The following GUCY1A2 variants were observed in gnomAD, a reference collection of about 807,000 sequenced individuals.
GUCY1A2 encodes guanylate cyclase soluble subunit alpha-2.
GUCY1A2 carries 27 observed loss-of-function variants against 63.5 expected under a neutral mutation model. The observed-to-expected ratio is 0.43, with a 90% confidence interval of 0.31 to 0.59. GUCY1A2 has a LOEUF of 0.59. GUCY1A2 is among the 20% of genes least tolerant of loss of function. The pLI is 0.11. For missense variants in GUCY1A2, 768 were observed against 913.3 expected, an observed-to-expected ratio of 0.84 and a Z score of 2.05; for synonymous variants, 364 against 343.5, an observed-to-expected ratio of 1.06 and a Z score of -0.66.
At chr11:106,922,134 G>T (rs769867438) in intron 4 of GUCY1A2, among the ~76,000 whole-genome samples, 1 of 152,090 alleles carries the variant, frequency 6.6e-6, no homozygotes, top group South Asian at 2.1e-4. Flanking sequence ...AGCAGACGAG[G>T]GTGCTAGCAC....
intron 5 of GUCY1A2, among the ~76,000 whole-genome samples, chr11:106,801,109 A>AT (rs1858594976): frequency 1.3e-5 from 2 of 152,258 alleles, no homozygotes; most frequent in Admixed American, 1.3e-4. Flanking sequence ...GCCAAAGAGA[A>AT]TAAGTATTTA....
At chr11:107,012,992 CA>C (rs1403978528) in intron 1 of GUCY1A2, among the ~76,000 whole-genome samples, 2 of 119,098 alleles carry the variant, frequency 1.7e-5, no homozygotes, top group Non-Finnish European at 3.5e-5. Context: ...TTAATATCAA[CA>C]GAAGCTAAAG....
intron 6 of GUCY1A2, among the ~76,000 whole-genome samples, chr11:106,767,513 T>A (rs2135396153): frequency 6.6e-6 from 1 of 152,274 alleles, no homozygotes; most frequent in Non-Finnish European, 1.5e-5. Context: ...AATGTATGCC[T>A]GATAGACTAT....
intron 4 of GUCY1A2, among the ~76,000 whole-genome samples, chr11:106,883,320 A>G (rs1229420850): frequency 1.3e-5 from 2 of 152,134 alleles, no homozygotes; most frequent in Admixed American, 6.6e-5. Flanking sequence ...GCCTTTATCT[A>G]TGTGTGTATA....
intron 6 of GUCY1A2, among the ~76,000 whole-genome samples, chr11:106,712,944 T>C: frequency 6.6e-6 from 1 of 152,170 alleles, no homozygotes; most frequent in East Asian, 1.9e-4. Context: ...GAATACATAA[T>C]GAGGATCCTT....
At chr11:106,751,435 C>A (rs1863879678) in intron 6 of GUCY1A2, among the ~76,000 whole-genome samples, 1 of 151,364 alleles carries the variant, frequency 6.6e-6, no homozygotes, top group Non-Finnish European at 1.5e-5. Context: ...TATCATGCAT[C>A]AAATCATTAA....
At chr11:106,813,760 C>T (rs1858795119) in intron 4 of GUCY1A2, among the ~76,000 whole-genome samples, 1 of 152,070 alleles carries the variant, frequency 6.6e-6, no homozygotes, top group African/African-American at 2.4e-5. Context: ...GTTTCCTTAT[C>T]TATAAACTGG....
At chr11:106,984,132 G>A (rs1861371875) in intron 2 of GUCY1A2, among the ~76,000 whole-genome samples, 1 of 152,192 alleles carries the variant, frequency 6.6e-6, no homozygotes, top group South Asian at 2.1e-4. Flanking sequence ...CAAAATTGCT[G>A]CCAACAGGCC....
chr11:106,731,285 C>T (rs374395459), intron 6 of GUCY1A2, among the ~76,000 whole-genome samples: 17 of 152,172 alleles, frequency 1.1e-4, no homozygotes, highest in Admixed American at 3.9e-4. Flanking sequence ...AAAACAAAAA[C>T]CACATGGTTA....
At chr11:106,822,255 T>C (rs917839999) in intron 4 of GUCY1A2, among the ~76,000 whole-genome samples, 11 of 152,232 alleles carry the variant, frequency 7.2e-5, no homozygotes, top group African/African-American at 1.9e-4. Context: ...TACATTACCA[T>C]ACGAACAATT....
intron 4 of GUCY1A2, among the ~76,000 whole-genome samples, chr11:106,925,737 C>T (rs1289268020): frequency 6.6e-6 from 1 of 152,160 alleles, no homozygotes; most frequent in Non-Finnish European, 1.5e-5. Context: ...ATAAAGTGTG[C>T]TTTTGAAAAA....
chr11:106,875,973 C>T (rs1041911161), intron 4 of GUCY1A2, among the ~76,000 whole-genome samples: 6 of 151,924 alleles, frequency 3.9e-5, no homozygotes, highest in African/African-American at 1.4e-4. Flanking sequence ...TATTCCATTA[C>T]AAGTAAAAAG....
chr11:106,698,468 T>A (rs1862761414), intron 7 of GUCY1A2, among the ~76,000 whole-genome samples: 1 of 152,068 alleles, frequency 6.6e-6, no homozygotes, highest in Admixed American at 6.6e-5. Context: ...TTTTTTGGAA[T>A]AATGTTAGAT....
At chr11:106,694,172 G>A (rs2135338091) in intron 7 of GUCY1A2, among the ~76,000 whole-genome samples, 1 of 152,210 alleles carries the variant, frequency 6.6e-6, no homozygotes, top group South Asian at 2.1e-4. Flanking sequence ...GATTACACCT[G>A]GATTCCAGCA....
chr11:106,845,459 G>C (rs1027829678), intron 4 of GUCY1A2, among the ~76,000 whole-genome samples: 8 of 151,474 alleles, frequency 5.3e-5, no homozygotes, highest in African/African-American at 1.9e-4. Context: ...AACATGTTAC[G>C]TGGATTGTCT....
intron 4 of GUCY1A2, among the ~76,000 whole-genome samples, chr11:106,839,315 T>C (rs1190319610): frequency 6.6e-6 from 1 of 151,892 alleles, no homozygotes; most frequent in Non-Finnish European, 1.5e-5. Context: ...TGAGATATCA[T>C]CTCACACCAG....
intron 5 of GUCY1A2, among the ~76,000 whole-genome samples, chr11:106,807,333 T>C (rs137977993): frequency 9.9e-5 from 15 of 152,200 alleles, no homozygotes; most frequent in African/African-American, 3.4e-4. Context: ...CACTAGAATG[T>C]TTATGAAGAT....
chr11:106,966,597 A>G (rs917354351), intron 3 of GUCY1A2, among the ~76,000 whole-genome samples: 26 of 152,200 alleles, frequency 1.7e-4, no homozygotes, highest in African/African-American at 5.6e-4. Flanking sequence ...GTACTTAAAA[A>G]CTATTCCTTT....
rs573001650 is a variant in GUCY1A2, at chr11:106,925,100, G to A, written c.1206+14360C>T. On this transcript the variant is annotated intron_variant, in intron 4 of 7. Transcript: ENST00000526355. ...TAGGAAGAAACTATTATGCTTATCA[G>A]GTTAATTTGCATTCCATACTTATCA... Among the ~76,000 whole-genome samples, 4 of 152,038 alleles carry A rather than the reference G, an allele frequency of 2.6e-5. No homozygotes were observed. In the South Asian group the frequency reaches 8.3e-4, roughly 32 times the overall value.
Sources: allele counts gnomAD v4.1 joint callset (sites outside exome capture counted in the v4.1 genomes callset), GRCh38; gene constraint gnomAD v4.1.1; transcripts MANE v1.5; gene names NCBI Gene and HGNC (gene_info 2026-07-23, HGNC 2026-07-21).